The following FAM135B variants were observed in gnomAD, a reference collection of about 807,000 sequenced individuals.
The protein encoded by FAM135B is family with sequence similarity 135 member B, also known as protein FAM135B.
Under a neutral mutation model 127.7 loss-of-function variants are expected in FAM135B, and 43 were observed. That is an observed-to-expected ratio of 0.34 (90% confidence interval 0.26 to 0.43). The LOEUF is 0.43. Ranked by LOEUF, FAM135B falls within the 20% of genes least tolerant of loss-of-function variation. The probability of loss-of-function intolerance (pLI) is 1.00; values close to 1 mark genes in which losing one functional copy is unlikely to be tolerated. For missense variants in FAM135B, 1,558 were observed against 1,725.6 expected, an observed-to-expected ratio of 0.90 and a Z score of 1.72; for synonymous variants, 670 against 665.1, an observed-to-expected ratio of 1.01 and a Z score of -0.11.
intron 1 of FAM135B, among the ~76,000 whole-genome samples, chr8:138,412,842 T>C (rs1054495731): frequency 2.6e-5 from 4 of 152,198 alleles, no homozygotes; most frequent in Non-Finnish European, 5.9e-5. Context: ...CTGGCAACAC[T>C]TGCATCAGCA....
chr8:138,383,002 T>C (rs1398450702), intron 1 of FAM135B, among the ~76,000 whole-genome samples: 5 of 152,148 alleles, frequency 3.3e-5, no homozygotes, highest in East Asian at 3.9e-4. Context: ...CCTGGACATA[T>C]CCACTGGGAA....
chr8:138,336,815 T>C (rs1828631074), intron 2 of FAM135B, among the ~76,000 whole-genome samples: 1 of 152,240 alleles, frequency 6.6e-6, no homozygotes, highest in African/African-American at 2.4e-5. Context: ...AAAAGAGAAT[T>C]TTAGACAAAT....
At chr8:138,366,442 C>A (rs142154805) in intron 2 of FAM135B, among the ~76,000 whole-genome samples, 28 of 152,272 alleles carry the variant, frequency 1.8e-4, no homozygotes, top group Non-Finnish European at 3.5e-4. Context: ...GACTTCTGAT[C>A]AAATGAGAGG....
intron 1 of FAM135B, among the ~76,000 whole-genome samples, chr8:138,435,404 G>C (rs1315316230): frequency 6.6e-6 from 1 of 152,144 alleles, no homozygotes; most frequent in Non-Finnish European, 1.5e-5. Flanking sequence ...GTGAAGCTTG[G>C]AGTGTTATCC....
intron 1 of FAM135B, among the ~76,000 whole-genome samples, chr8:138,379,331 T>G (rs1831688102): frequency 6.6e-6 from 1 of 151,978 alleles, no homozygotes; most frequent in African/African-American, 2.4e-5. Context: ...TAGTAATATC[T>G]ATCTACTTAG....
intron 1 of FAM135B, among the ~76,000 whole-genome samples, chr8:138,391,581 G>A (rs553562573): frequency 6.6e-6 from 1 of 152,232 alleles, no homozygotes; most frequent in East Asian, 1.9e-4. Context: ...CAAGCCAGCT[G>A]CCCTCTGAAA....
intron 5 of FAM135B, 69 bp downstream of exon 5, chr8:138,256,620 T>C (rs1822107774): frequency 3.8e-6 from 5 of 1,300,582 alleles, no homozygotes; most frequent in South Asian, 3.7e-5. Flanking sequence ...TATGAGGCTA[T>C]CCCAAGAGTG....
intron 1 of FAM135B, chr8:138,438,048 C>G (rs1395030221): frequency 6.6e-6 from 1 of 152,094 alleles, no homozygotes; most frequent in Non-Finnish European, 1.5e-5. Flanking sequence ...TAAAAACACC[C>G]GAGAGTACAA....
At position 138,209,175 on chromosome 8, in the gene FAM135B, G is replaced by C. The variant is rs186289579; in HGVS notation, c.670-11506C>G. On this transcript the variant is annotated intron_variant, in intron 7 of 19. Transcript: ENST00000395297. ...CTGCGGTGAACACTTGAGGTCTAGA[G>C]GTTAATGAATACTGTCCTCACCTGG... is the stretch of plus-strand genomic sequence containing the variant. Among the ~76,000 whole-genome samples, 260 of 152,180 alleles carry C rather than the reference G, an allele frequency of 1.7e-3. 1 individual carries two copies. The highest frequency in any genetic ancestry group is 0.011 in the East Asian group (55 of 5,154).
chr8:138,218,806 G>C (rs1818792436), intron 7 of FAM135B, among the ~76,000 whole-genome samples: 1 of 19,692 alleles, frequency 5.1e-5, no homozygotes, highest in African/African-American at 1.2e-4. Flanking sequence ...GAGAGAGAGG[G>C]AGAGAAAGAG....
At chr8:138,135,788 T>G (rs1473133100) in intron 19 of FAM135B, among the ~76,000 whole-genome samples, 1 of 152,172 alleles carries the variant, frequency 6.6e-6, no homozygotes, top group African/African-American at 2.4e-5. Context: ...TGTGCAGTAA[T>G]TGAGAAGTTG....
At chr8:138,186,307 G>A (rs1208916610) in intron 9 of FAM135B, among the ~76,000 whole-genome samples, 1 of 152,154 alleles carries the variant, frequency 6.6e-6, no homozygotes, top group African/African-American at 2.4e-5. Flanking sequence ...ATAGTCCAGT[G>A]GTCAGCACAC....
At chr8:138,142,977 T>C (rs957800440) in intron 16 of FAM135B, 35 bp downstream of exon 16, 10 of 1,116,114 alleles carry the variant, frequency 9.0e-6, no homozygotes, top group East Asian at 2.3e-5. Flanking sequence ...TCCCCCCTCT[T>C]CCCCCAGCAT....
chr8:138,390,496 T>G (rs1832501601), intron 1 of FAM135B, among the ~76,000 whole-genome samples: 1 of 152,178 alleles, frequency 6.6e-6, no homozygotes, highest in African/African-American at 2.4e-5. Flanking sequence ...TCTTTATAAA[T>G]TACCTAGTCT....
rs771805722 is a variant in FAM135B at position 138,265,828 on chromosome 8, G to A, written c.172C>T (p.His58Tyr). Residue 58 changes from histidine (H) to tyrosine (Y), a missense_variant, in exon 4 of 20, where the codon CAT becomes TAT. Coordinates refer to ENST00000395297, the MANE Select transcript of FAM135B (RefSeq NM_015912.4). ...IAGQTESSSLHSACVHDSTVH... is the reference protein window; with the variant it reads ...IAGQTESSSLYSACVHDSTVH... ...GTGCTGTCATGGACACAGGCTGAAT[G>A]CAGGCTGCTGCTCTCTGCAAAACAA... 6 of 1,613,638 alleles carry A rather than the reference G, an allele frequency of 3.7e-6. No individual in the cohort carries two copies. Among genetic ancestry groups the A allele is most frequent in the East Asian group, 2.2e-5 (1 of 44,858 alleles).
intron 1 of FAM135B, chr8:138,439,395 T>C (rs1273569321): frequency 6.6e-6 from 1 of 152,182 alleles, no homozygotes; most frequent in East Asian, 1.9e-4. Context: ...CCAAATCCCA[T>C]TCTCATTCCA....
At chr8:138,482,134 G>A (rs1187004749) in intron 1 of FAM135B, among the ~76,000 whole-genome samples, 3 of 152,178 alleles carry the variant, frequency 2.0e-5, no homozygotes, top group Non-Finnish European at 4.4e-5. Flanking sequence ...GAGGGAGGAT[G>A]GAAAGGAAGT....
intron 10 of FAM135B, among the ~76,000 whole-genome samples, chr8:138,178,042 C>T (rs990655952): frequency 7.2e-5 from 11 of 151,914 alleles, no homozygotes; most frequent in East Asian, 3.9e-4. Flanking sequence ...GTCAGGAGTT[C>T]GAGACCAGTC....
intron 1 of FAM135B, chr8:138,477,425 C>G (rs1814538527): frequency 1.3e-5 from 2 of 152,268 alleles, no homozygotes; most frequent in South Asian, 4.1e-4. Flanking sequence ...GAGCTCCTTC[C>G]TTTGGCTCCC....
Sources: allele counts gnomAD v4.1 joint callset (sites outside exome capture counted in the v4.1 genomes callset), GRCh38; gene constraint gnomAD v4.1.1; transcripts MANE v1.5; gene names NCBI Gene and HGNC (gene_info 2026-07-23, HGNC 2026-07-21).